The following KCNK9 variants were observed in gnomAD, a reference collection of about 807,000 sequenced individuals.
The protein encoded by KCNK9 is potassium channel subfamily K member 9.
Under a neutral mutation model 10.8 loss-of-function variants are expected in KCNK9, and 1 was observed. That is an observed-to-expected ratio of 0.09 (90% CI 0.03 to 0.44). KCNK9 has a LOEUF of 0.44. Among genes scored for constraint, KCNK9 ranks in the 20% least tolerant of loss-of-function variants. KCNK9 has a pLI of 0.97. For missense variants in KCNK9, 303 were observed against 515.0 expected, an observed-to-expected ratio of 0.59 and a Z score of 3.98; for synonymous variants, 231 against 222.7, an observed-to-expected ratio of 1.04 and a Z score of -0.33.
At chr8:139,629,338 A>C (rs543113004) in intron 1 of KCNK9, among the ~76,000 whole-genome samples, 2 of 152,336 alleles carry the variant, frequency 1.3e-5, no homozygotes, top group East Asian at 3.9e-4. Flanking sequence ...CTCATACCCA[A>C]ACACCAAAGA....
chr8:139,615,795 A>G (rs777254206), downstream of KCNK9: 1 of 151,944 alleles, frequency 6.6e-6, no homozygotes, highest in Non-Finnish European at 1.5e-5. Flanking sequence ...AGTTCCTGGG[A>G]ATAGAGAAGC....
chr8:139,606,123 G>C (rs761842580), intron 2 of KCNK9, among the ~76,000 whole-genome samples: 1 of 152,150 alleles, frequency 6.6e-6, no homozygotes, highest in African/African-American at 2.4e-5. Context: ...ACCACAATGG[G>C]CCTGTTCAAA....
intron 1 of KCNK9, among the ~76,000 whole-genome samples, chr8:139,687,640 G>A (rs368728280): frequency 2.0e-3 from 68 of 33,486 alleles, no homozygotes; most frequent in South Asian, 4.1e-3. Context: ...GTATACATAT[G>A]TATACATATA....
chr8:139,665,123 T>C (rs1816265605), intron 1 of KCNK9, among the ~76,000 whole-genome samples: 1 of 152,036 alleles, frequency 6.6e-6, no homozygotes, highest in African/African-American at 2.4e-5. Context: ...AACAACACAT[T>C]TTCTCTTGCA....
chr8:139,687,354 G>T (rs1031049856), intron 1 of KCNK9, among the ~76,000 whole-genome samples: 1 of 48,828 alleles, frequency 2.0e-5, no homozygotes, highest in African/African-American at 6.7e-5. Context: ...ATATATATAT[G>T]TATACATATA....
intron 1 of KCNK9, among the ~76,000 whole-genome samples, chr8:139,686,803 G>T (rs538406615): frequency 6.6e-6 from 1 of 152,234 alleles, no homozygotes; most frequent in South Asian, 2.1e-4. Flanking sequence ...TAAAACACAC[G>T]CTTCAAATAA....
At chr8:139,626,728 T>C (rs542036156) in intron 1 of KCNK9, among the ~76,000 whole-genome samples, 62 of 152,338 alleles carry the variant, frequency 4.1e-4, no homozygotes, top group African/African-American at 1.4e-3. Flanking sequence ...TACAAGTATT[T>C]AGGCACTGAG....
intron 1 of KCNK9, among the ~76,000 whole-genome samples, chr8:139,686,920 T>C (rs572839265): frequency 1.3e-5 from 2 of 152,122 alleles, no homozygotes; most frequent in Non-Finnish European, 2.9e-5. Flanking sequence ...GGAAAACATA[T>C]AGCCTTTAGT....
Position 139,659,678 on chromosome 8 carries a change from ATT to A in KCNK9, c.284-40581_284-40580del, listed in dbSNP as rs543890522. Among the ~76,000 whole-genome samples the A allele has an allele frequency of 9.0e-3, 1,191 of 133,006 alleles. 24 individuals are homozygous for A. Among genetic ancestry groups the A allele is most frequent in the African/African-American group, 0.028 (1,002 of 35,286 alleles). The allele number at this position is 133,006 out of a possible 152,430, so 87.3% of individuals were successfully genotyped here. On this transcript the variant is annotated intron_variant, in intron 1 of 1. Transcript: ENST00000520439. Reference sequence around the variant, plus strand: ...AGGAGCCCACCACCATGCCCAGCTAATTTTTTTTTTTTTTTTTTTGGTATTTT... The same window carrying A: ...AGGAGCCCACCACCATGCCCAGCTAATTTTTTTTTTTTTTTTTGGTATTTT...
intron 1 of KCNK9, among the ~76,000 whole-genome samples, chr8:139,695,950 T>C (rs978286793): frequency 1.3e-5 from 2 of 152,146 alleles, no homozygotes; most frequent in African/African-American, 4.8e-5. Flanking sequence ...CTGTCCCCAC[T>C]CCAGGCTCAA....
rs575358177 is a variant in KCNK9 at position 139,601,327 on chromosome 8, C to T, written c.*275G>A. 2.0e-5 allele frequency: 3 copies of T among 152,364 alleles called. No individual in the cohort carries two copies. In the South Asian group the frequency reaches 6.2e-4, roughly 32 times the overall value. The allele number at this position is 152,364 out of a possible 1,614,324, so 9.4% of individuals were successfully genotyped here. On this transcript the variant is annotated 3_prime_UTR_variant, in exon 3 of 3. Coordinates refer to the KCNK9 transcript ENST00000650269. ...GCGAGCCAGGCACCTTGAGCTCCAT[C>T]CAAACCGTTCTCTCTTTGGATGAAT...
chr8:139,687,329 T>C (rs1485805323), intron 1 of KCNK9, among the ~76,000 whole-genome samples: 1 of 148,612 alleles, frequency 6.7e-6, no homozygotes, highest in Non-Finnish European at 1.5e-5. Flanking sequence ...TTTCACTATG[T>C]AGATTTTCAT....
intron 2 of KCNK9, among the ~76,000 whole-genome samples, chr8:139,603,829 G>C (rs1370704554): frequency 6.6e-6 from 1 of 152,220 alleles, no homozygotes; most frequent in African/African-American, 2.4e-5. Context: ...GGTTCACTGA[G>C]GATAGAAACT....
rs1817254827 is a variant in KCNK9, at chr8:139,702,573, G to A, written c.283+137C>T. On this transcript the variant is annotated intron_variant, in intron 1 of 1. Coordinates refer to ENST00000520439, the MANE Select transcript of KCNK9 (RefSeq NM_001282534.2). This position sits in a 1 kb window ranked among gnomAD's most constrained non-coding sequence, Gnocchi z 7.5. ...GGAGGGGGGGCTCCCTAGAGAGGAGGGGGCGCTGCGGGAAGGCCCCCAAGG... is the reference window on the plus strand; with the variant it reads ...GGAGGGGGGGCTCCCTAGAGAGGAGAGGGCGCTGCGGGAAGGCCCCCAAGG... 9.2e-6 allele frequency: 8 copies of A among 868,366 alleles called. No homozygotes were observed. The East Asian group carries it at 1.6e-4, about 18-fold the overall frequency. 53.8% of individuals were successfully genotyped at this position (868,366 alleles called of 1,614,324 possible).
At chr8:139,699,027 C>T (rs530532484) in intron 1 of KCNK9, among the ~76,000 whole-genome samples, 10 of 152,274 alleles carry the variant, frequency 6.6e-5, no homozygotes, top group Non-Finnish European at 1.0e-4. Context: ...CCCTGATGTA[C>T]GGCTTCCGCT....
chr8:139,647,308 C>T (rs539432742), intron 1 of KCNK9, among the ~76,000 whole-genome samples: 6 of 152,328 alleles, frequency 3.9e-5, no homozygotes, highest in Non-Finnish European at 5.9e-5. Context: ...CTACTCCATC[C>T]ATATCTTCAT....
intron 1 of KCNK9, among the ~76,000 whole-genome samples, chr8:139,688,967 G>A (rs979314388): frequency 6.6e-6 from 1 of 152,118 alleles, no homozygotes; most frequent in African/African-American, 2.4e-5. Context: ...ACCTCTGGAT[G>A]TAACTGTTTT....
At chr8:139,694,919 G>A (rs908136302) in intron 1 of KCNK9, among the ~76,000 whole-genome samples, 1 of 152,178 alleles carries the variant, frequency 6.6e-6, no homozygotes, top group Non-Finnish European at 1.5e-5. Flanking sequence ...GGGCATGGTT[G>A]GGCTGAGGCC....
chr8:139,648,543 G>A (rs1274863370), intron 1 of KCNK9, among the ~76,000 whole-genome samples: 4 of 152,218 alleles, frequency 2.6e-5, no homozygotes, highest in Admixed American at 6.5e-5. Flanking sequence ...ACTGAGAATG[G>A]GCCACTAGCC....
Sources: allele counts gnomAD v4.1 joint callset (sites outside exome capture counted in the v4.1 genomes callset), GRCh38; gene constraint gnomAD v4.1.1; non-coding constraint Gnocchi (gnomAD v3.1); transcripts MANE v1.5; gene names NCBI Gene and HGNC (gene_info 2026-07-23, HGNC 2026-07-21).